The following DLG2 variants were observed in gnomAD, a reference collection of about 807,000 sequenced individuals.
DLG2 encodes the protein disks large homolog 2.
In DLG2, 45 loss-of-function variants were observed where a neutral mutation model predicts 132.5. The ratio of observed to expected loss-of-function variants is 0.34; its 90% CI spans 0.27 to 0.44. The LOEUF (loss-of-function observed/expected upper bound fraction) is 0.44. Among genes scored for constraint, DLG2 ranks in the 20% least tolerant of loss-of-function variants. The probability of loss-of-function intolerance (pLI) is 1.00; values close to 1 mark genes in which losing one functional copy is unlikely to be tolerated. For synonymous variants in DLG2, 424 were observed against 419.6 expected (o/e 1.01, Z -0.13); for missense variants, 1,045 against 1,196.9 (o/e 0.87, Z 1.87).
chr11:83,483,426 A>G, intron 22 of DLG2: 1 of 618,506 alleles, frequency 1.6e-6, no homozygotes, highest in African/African-American at 1.9e-5. Flanking sequence ...TCTGGATCCC[A>G]TTCTCTCTTC....
At chr11:84,272,080 T>C (rs1208382646) in intron 7 of DLG2, 1 of 165,362 alleles carries the variant, frequency 6.0e-6, no homozygotes, top group African/African-American at 2.4e-5. Context: ...CACCATTAGT[T>C]TTTTAGACTT....
intron 7 of DLG2, among the ~76,000 whole-genome samples, chr11:84,520,055 T>C (rs1385162244): frequency 6.6e-6 from 1 of 152,200 alleles, no homozygotes; most frequent in African/African-American, 2.4e-5. Context: ...CAATATCTCA[T>C]TGAAGATTTT....
At chr11:84,182,034 G>A (rs1375520978) in intron 8 of DLG2, among the ~76,000 whole-genome samples, 1 of 152,124 alleles carries the variant, frequency 6.6e-6, no homozygotes, top group Non-Finnish European at 1.5e-5. Flanking sequence ...CTGATATCAA[G>A]CACATCCATA....
chr11:84,392,856 T>C (rs1419625524), intron 7 of DLG2, among the ~76,000 whole-genome samples: 1 of 152,334 alleles, frequency 6.6e-6, no homozygotes, highest in Middle Eastern at 3.4e-3. Flanking sequence ...TCAGGAGCCA[T>C]GTTCTTCACC....
At chr11:84,343,306 T>A (rs1206886963) in intron 7 of DLG2, among the ~76,000 whole-genome samples, 1 of 152,208 alleles carries the variant, frequency 6.6e-6, no homozygotes, top group South Asian at 2.1e-4. Context: ...ATGATTGCTA[T>A]TATAATTAGA....
At chr11:84,324,380 C>T (rs1417246400) in intron 7 of DLG2, among the ~76,000 whole-genome samples, 2 of 151,944 alleles carry the variant, frequency 1.3e-5, no homozygotes, top group Non-Finnish European at 2.9e-5. Context: ...GGGTTTATTT[C>T]TGGGCTCTCT....
At chr11:83,500,993 C>G (rs1229059992) in intron 21 of DLG2, among the ~76,000 whole-genome samples, 1 of 152,024 alleles carries the variant, frequency 6.6e-6, no homozygotes, top group South Asian at 2.1e-4. Flanking sequence ...TATACTACAA[C>G]TCAAAGGGTC....
At chr11:84,098,673 T>C (rs2092093153) in intron 10 of DLG2, among the ~76,000 whole-genome samples, 1 of 152,166 alleles carries the variant, frequency 6.6e-6, no homozygotes, top group Non-Finnish European at 1.5e-5. Flanking sequence ...AAACAAAAGA[T>C]TTATCTTCAT....
chr11:85,628,150 G>A (rs940888314), upstream of DLG2, among the ~76,000 whole-genome samples: 3 of 152,196 alleles, frequency 2.0e-5, no homozygotes, highest in Admixed American at 6.5e-5. Context: ...GGCTGGTCCG[G>A]GGTTTGGAGG....
chr11:84,634,805 C>T (rs988403141), intron 6 of DLG2, among the ~76,000 whole-genome samples: 9 of 152,188 alleles, frequency 5.9e-5, no homozygotes, highest in African/African-American at 2.2e-4. Context: ...TTGAAGGAGG[C>T]TGTGTCCTAC....
At chr11:85,049,532 C>A (rs2062688035) in intron 6 of DLG2, among the ~76,000 whole-genome samples, 1 of 151,944 alleles carries the variant, frequency 6.6e-6, no homozygotes, top group Admixed American at 6.6e-5. Context: ...GAATCTCTGG[C>A]CTCTACACAC....
At chr11:84,856,351 A>G (rs2082786594) in intron 6 of DLG2, among the ~76,000 whole-genome samples, 2 of 152,212 alleles carry the variant, frequency 1.3e-5, no homozygotes, top group South Asian at 4.1e-4. Context: ...TCCCATTAGC[A>G]TGGAAGAGAA....
At chr11:85,483,200 C>T (rs892954080) in intron 3 of DLG2, among the ~76,000 whole-genome samples, 2 of 152,134 alleles carry the variant, frequency 1.3e-5, no homozygotes, top group African/African-American at 4.8e-5. Flanking sequence ...CACGAGGATC[C>T]TTATTAGTGA....
At chr11:85,576,534 A>G (rs1450280927) in intron 3 of DLG2, among the ~76,000 whole-genome samples, 2 of 152,228 alleles carry the variant, frequency 1.3e-5, no homozygotes, top group Non-Finnish European at 2.9e-5. Context: ...AGAATCTAAT[A>G]ATTTTGATTT....
chr11:84,405,911 T>G (rs979173727), intron 7 of DLG2, among the ~76,000 whole-genome samples: 1 of 152,194 alleles, frequency 6.6e-6, no homozygotes, highest in African/African-American at 2.4e-5. Context: ...TTCTTTGCCT[T>G]AAATCTAACT....
In DLG2 at chr11:83,508,403, A is replaced by ATTTT. The variant is rs746968613; in HGVS notation, c.2194-24179_2194-24176dup. Among the ~76,000 whole-genome samples the ATTTT allele has an allele frequency of 2.2e-4, 18 of 80,200 alleles. 2 individuals are homozygous for ATTTT. The highest frequency in any genetic ancestry group is 7.6e-4 in the African/African-American group (12 of 15,892). The allele number at this position is 80,200 out of a possible 152,430, so 52.6% of individuals were successfully genotyped here. A position where few individuals can be genotyped will look rare whatever the true frequency, so the allele number is the denominator to read the frequency against. On this transcript the variant is annotated intron_variant, in intron 21 of 27. Transcript: ENST00000376104. ...AGGTGCACACCACCACGCCTGGCTAATTTTTTTTTTTTTTTTTTTTTTAGT... is the reference window on the plus strand; with the variant it reads ...AGGTGCACACCACCACGCCTGGCTAATTTTTTTTTTTTTTTTTTTTTTTTTTAGT...
At chr11:83,566,228 A>G (rs2096707028) in intron 19 of DLG2, among the ~76,000 whole-genome samples, 1 of 152,222 alleles carries the variant, frequency 6.6e-6, no homozygotes, top group Non-Finnish European at 1.5e-5. Context: ...CCACAGGCCC[A>G]GTGATGATGA....
chr11:85,134,811 T>A (rs2076037985), intron 5 of DLG2, among the ~76,000 whole-genome samples: 1 of 152,116 alleles, frequency 6.6e-6, no homozygotes, highest in South Asian at 2.1e-4. Context: ...TAAAGTTCAA[T>A]TTGATATAAA....
rs1593004838 is a variant in DLG2 at position 85,033,329 on chromosome 11, C to A, written c.357+78332G>T. 3.3e-5 allele frequency among the ~76,000 whole-genome samples: 5 copies of A among 149,590 alleles called. No homozygotes were observed. In the South Asian group the frequency reaches 1.1e-3, roughly 31 times the overall value. Reference sequence around the variant, plus strand: ...AATTATTCCTAGTCAGGGACTTGTGCCCCAGAAATAAAGGCTAGCATGTGC... The same window carrying A: ...AATTATTCCTAGTCAGGGACTTGTGACCCAGAAATAAAGGCTAGCATGTGC... On this transcript the variant is annotated intron_variant, in intron 6 of 27. Transcript: ENST00000376104.
Sources: gnomAD v4.1 joint callset for allele counts (sites outside exome capture counted in the v4.1 genomes callset) on GRCh38, gnomAD v4.1.1 for gene constraint, MANE v1.5 for transcripts, NCBI Gene and HGNC (gene_info 2026-07-23, HGNC 2026-07-21) for gene names.